The following NME9 variants were observed in gnomAD, a reference collection of about 807,000 sequenced individuals.
NME9 encodes the protein NME/NM23 family member 9.
A neutral mutation model predicts 44.4 loss-of-function variants in NME9; 48 were observed. The ratio of observed to expected loss-of-function variants is 1.08; its 90% CI spans 0.86 to 1.37. The LOEUF is 1.37. Ranked by LOEUF, NME9 falls within the 40% of genes most tolerant of loss-of-function variation. The probability of loss-of-function intolerance (pLI) is 0.00; values close to 1 mark genes in which losing one functional copy is unlikely to be tolerated. For missense variants in NME9, 325 were observed against 405.2 expected (o/e 0.80, Z 1.70); for synonymous variants, 139 against 147.1 (o/e 0.94, Z 0.40).
chr3:138,288,583 T>A (rs1314558753), intron 8 of NME9, among the ~76,000 whole-genome samples: 4 of 152,052 alleles, frequency 2.6e-5, no homozygotes, highest in Admixed American at 2.6e-4. Context: ...TACTCATTAG[T>A]GTTAACTTCA....
rs147324799 is a variant in NME9 at position 138,307,285 on chromosome 3, T to C, written c.461-805A>G. Among the ~76,000 whole-genome samples, 902 of 152,244 alleles carry C rather than the reference T, an allele frequency of 5.9e-3. 4 individuals are homozygous for C. The highest frequency in any genetic ancestry group is 0.012 in the South Asian group (56 of 4,830). On this transcript the variant is annotated intron_variant, in intron 6 of 10. Transcript: ENST00000333911. ...TGAGGGAGGTGCCACAGGATCAGAG[T>C]CCACTGCTTAGTCCCACAGGAGCTG...
rs2051852346 is a variant in NME9 at position 138,301,617 on chromosome 3, T to C, written c.*23A>G. 2.6e-6 allele frequency: 4 copies of C among 1,535,980 alleles called. No individual in the cohort carries two copies. The African/African-American group carries it at 5.5e-5, about 21-fold the overall frequency. On this transcript the variant is annotated 3_prime_UTR_variant, in exon 11 of 11. Coordinates refer to ENST00000333911, the MANE Select transcript of NME9 (RefSeq NM_001349018.2). ...GTGCAGTAGACCCCTGGTCACGTGC[T>C]CTGGAAGAGCAGCACAGCCATCTCA...
At chr3:138,288,330 A>G (rs1347915304) in intron 8 of NME9, among the ~76,000 whole-genome samples, 23 of 152,250 alleles carry the variant, frequency 1.5e-4, no homozygotes, top group Admixed American at 1.5e-3. Context: ...CACCCAGTGT[A>G]TGTTGGCTGT....
chr3:138,306,165 G>A, intron 7 of NME9, 69 bp from the exon 8 acceptor site: 1 of 1,181,616 alleles, frequency 8.5e-7, no homozygotes, highest in Admixed American at 1.8e-5. Context: ...AATTAATTTA[G>A]TTGAAAGGTA....
Position 138,319,510 on chromosome 3 carries a change from C to G in NME9, c.163G>C (p.Glu55Gln). The G allele has an allele frequency of 6.2e-7, 1 of 1,612,636 alleles. No individual in the cohort carries two copies. The highest frequency in any genetic ancestry group is 8.5e-7 in the Non-Finnish European group (1 of 1,178,682). The change falls in exon 3 of 11, where the codon GAG (glutamate) becomes CAG (glutamine). Residue 55 changes from glutamate (E) to glutamine (Q), a missense_variant. By Grantham distance (29) the Glu-to-Gln change is conservative (BLOSUM62 2). Coordinates refer to ENST00000333911, the MANE Select transcript of NME9 (RefSeq NM_001349018.2). ...VVSLFQKMRIEVGLDLLHFAL... is the reference protein window; with the variant it reads ...VVSLFQKMRIQVGLDLLHFAL... ...AAGTGCAGAAGGTCCAGGCCGACCT[C>G]GATCCTCATCTTCTGGAAGAGGCTC...
chr3:138,266,803 A>G (rs2048327170), intron 8 of NME9, among the ~76,000 whole-genome samples: 1 of 152,120 alleles, frequency 6.6e-6, no homozygotes, highest in African/African-American at 2.4e-5. Context: ...GTAGACTCAT[A>G]AGGGGCTTGA....
intron 8 of NME9, among the ~76,000 whole-genome samples, chr3:138,286,378 C>G (rs2050414855): frequency 6.6e-6 from 1 of 152,224 alleles, no homozygotes; most frequent in Admixed American, 6.5e-5. Flanking sequence ...CCAATGACTT[C>G]CATGATGCCA....
chr3:138,282,635 C>CAA (rs760470914), intron 8 of NME9, among the ~76,000 whole-genome samples: 115 of 47,410 alleles, frequency 2.4e-3, no homozygotes, highest in African/African-American at 6.9e-3. Context: ...GACTCCATCT[C>CAA]AAAAAAAAAA....
chr3:138,281,012 A>G (rs1385324034), intron 8 of NME9, among the ~76,000 whole-genome samples: 1 of 152,154 alleles, frequency 6.6e-6, no homozygotes, highest in Non-Finnish European at 1.5e-5. Context: ...GTCTCTAGCA[A>G]CTACTCCTCT....
chr3:138,324,267 G>T, intron 2 of NME9: 3 of 333,680 alleles, frequency 9.0e-6, no homozygotes, highest in South Asian at 7.4e-5. Flanking sequence ...TCCTCGTTGA[G>T]CCTTGAGATC....
rs2053686407 is a variant in NME9, at chr3:138,324,944, G to T, written c.34-14C>A. 1.2e-6 allele frequency: 2 copies of T among 1,611,544 alleles called. No individual in the cohort carries two copies. The highest frequency in any genetic ancestry group is 1.7e-6 in the Non-Finnish European group (2 of 1,177,892). On this transcript the variant is annotated splice_polypyrimidine_tract_variant and intron_variant, in intron 1 of 10. Transcript: ENST00000333911. ...GCTGATGTTGACCTAAAGCCAAAGA[G>T]GATCAAATGCCGTATTACTGAGGGC...
At chr3:138,269,721 G>T (rs2048600740) in intron 8 of NME9, among the ~76,000 whole-genome samples, 1 of 152,076 alleles carries the variant, frequency 6.6e-6, no homozygotes, top group Non-Finnish European at 1.5e-5. Flanking sequence ...GGATCATAAG[G>T]GTCTGTGTGA....
rs1476930169 is a variant in NME9 at position 138,301,179 on chromosome 3, A to T, written c.*461T>A. Reference sequence around the variant, plus strand: ...ATACTGTTTAATAAGGCAGAAAAGTATATACTATTCTCTTTCTTTACTTTT... The same window carrying T: ...ATACTGTTTAATAAGGCAGAAAAGTTTATACTATTCTCTTTCTTTACTTTT... On this transcript the variant is annotated 3_prime_UTR_variant, in exon 11 of 11. Coordinates refer to ENST00000333911, the MANE Select transcript of NME9 (RefSeq NM_001349018.2). The T allele has an allele frequency of 2.3e-6, 2 of 887,542 alleles. No homozygotes were observed. The highest frequency in any genetic ancestry group is 6.2e-5 in the Admixed American group (1 of 16,124). 55.0% of individuals were successfully genotyped at this position (887,542 alleles called of 1,614,324 possible). A position where few individuals can be genotyped will look rare whatever the true frequency, so the allele number is the denominator to read the frequency against.
At chr3:138,266,726 G>A (rs1047858344) in intron 8 of NME9, among the ~76,000 whole-genome samples, 9 of 152,206 alleles carry the variant, frequency 5.9e-5, no homozygotes, top group South Asian at 2.1e-4. Flanking sequence ...TGCTTGATTC[G>A]TCAGTGCTCC....
downstream of NME9, chr3:138,300,942 G>A (rs1328829811): frequency 1.7e-5 from 8 of 464,012 alleles, no homozygotes; most frequent in African/African-American, 2.1e-5. Context: ...AAGTGTCATA[G>A]TCAATCTTGC....
intron 6 of NME9, among the ~76,000 whole-genome samples, chr3:138,312,497 A>ATGG (rs1447589227): frequency 6.6e-6 from 1 of 152,228 alleles, no homozygotes; most frequent in Non-Finnish European, 1.5e-5. Context: ...AGAACATACA[A>ATGG]TGGTGAAAAG....
intron 8 of NME9, among the ~76,000 whole-genome samples, chr3:138,265,966 T>C (rs2048243397): frequency 3.3e-5 from 5 of 152,332 alleles, no homozygotes; most frequent in South Asian, 4.1e-4. Flanking sequence ...ATTGAGTGTA[T>C]GATTCACTAC....
chr3:138,305,052 G>C, intron 8 of NME9, 25 bp from the exon 9 acceptor site: 1 of 1,610,882 alleles, frequency 6.2e-7, no homozygotes, highest in Non-Finnish European at 8.5e-7. Context: ...GGAAAACAGT[G>C]ACCAGGGCAG....
Position 138,280,327 on chromosome 3 carries a change from A to G in NME9, c.746-17741T>C, listed in dbSNP as rs112075784. On this transcript the variant is annotated intron_variant, in intron 8 of 8. Transcript: ENST00000317876. ...TCCCACTTATTATTATTATTATTAT[A>G]TATATTTTAAGACAGAGTCTCACTC... 1.0e-3 allele frequency among the ~76,000 whole-genome samples: 156 copies of G among 149,206 alleles called. 1 individual carries two copies. The highest frequency in any genetic ancestry group is 3.4e-3 in the African/African-American group (138 of 40,578).
Sources: gnomAD v4.1 joint callset for allele counts (sites outside exome capture counted in the v4.1 genomes callset) on GRCh38, gnomAD v4.1.1 for gene constraint, MANE v1.5 for transcripts, NCBI Gene and HGNC (gene_info 2026-07-23, HGNC 2026-07-21) for gene names.